PRKN: variants seen among roughly 807,000 people sequenced by gnomAD.
PRKN encodes the protein E3 ubiquitin-protein ligase parkin.
A neutral mutation model predicts 59.5 loss-of-function variants in PRKN; 56 were observed. That is an observed-to-expected ratio of 0.94 (90% CI 0.76 to 1.18). The LOEUF (loss-of-function observed/expected upper bound fraction) is 1.18. Among genes scored for constraint, PRKN ranks in the 50% most tolerant of loss-of-function variants. The pLI is 0.00. For synonymous variants in PRKN, 250 were observed against 222.1 expected (o/e 1.13, Z -1.12); for missense variants, 657 against 596.4 (o/e 1.10, Z -1.06).
At position 162,461,499 on chromosome 6, in the gene PRKN, C is replaced by CAAAAAAAAAAAAA; in HGVS notation, c.8-18039_8-18027dup. 3.5e-3 allele frequency among the ~76,000 whole-genome samples: 129 copies of CAAAAAAAAAAAAA among 36,526 alleles called. 1 individual carries two copies. The highest frequency in any genetic ancestry group is 7.1e-3 in the South Asian group (3 of 420). The allele number at this position is 36,526 out of a possible 152,430, so 24.0% of individuals were successfully genotyped here. ...CCTGGAGGACAGAGTTAAAGTGTCTCAAAAAAAAAAAAAAAAAAAAAAAAA... is the reference window on the plus strand; with the variant it reads ...CCTGGAGGACAGAGTTAAAGTGTCTCAAAAAAAAAAAAAAAAAAAAAAAAAAAAAAAAAAAAAA... On this transcript the variant is annotated intron_variant, in intron 1 of 11. Transcript: ENST00000366898.
rs975926173 is a variant in PRKN at position 161,498,280 on chromosome 6, C to T, written c.1083+50574G>A. 6.6e-6 allele frequency among the ~76,000 whole-genome samples: 1 copy of T among 152,088 alleles called. No individual in the cohort carries two copies. The highest frequency in any genetic ancestry group is 2.4e-5 in the African/African-American group (1 of 41,410). On this transcript the variant is annotated intron_variant, in intron 9 of 11. Coordinates refer to ENST00000366898, the MANE Select transcript of PRKN (RefSeq NM_004562.3). This position sits in a 1 kb window ranked among gnomAD's most constrained non-coding sequence, Gnocchi z 4.2. ...ATTAATTAATAAATGGAATATTTAG[C>T]TTTTTATAATTAGTGTTTGTATTTA...
chr6:161,880,113 C>G (rs1025688817), intron 6 of PRKN, among the ~76,000 whole-genome samples: 2 of 152,108 alleles, frequency 1.3e-5, no homozygotes, highest in Non-Finnish European at 2.9e-5. Flanking sequence ...AAAACACATT[C>G]ATGGCAATGG....
At chr6:162,074,828 C>T in intron 4 of PRKN, among the ~76,000 whole-genome samples, 1 of 152,144 alleles carries the variant, frequency 6.6e-6, no homozygotes. Flanking sequence ...AACTTCCAGT[C>T]ACCAAACTAT....
chr6:161,989,358 T>G (rs1000995816), intron 5 of PRKN, among the ~76,000 whole-genome samples: 1 of 151,694 alleles, frequency 6.6e-6, no homozygotes, highest in Non-Finnish European at 1.5e-5. Context: ...TGAGGACAGG[T>G]CTGCCTTCCT....
At chr6:161,714,508 T>C (rs1786890200) in intron 7 of PRKN, among the ~76,000 whole-genome samples, 1 of 152,220 alleles carries the variant, frequency 6.6e-6, no homozygotes, top group South Asian at 2.1e-4. Context: ...GTCTTTATCT[T>C]GGACTTCCCG....
At chr6:162,289,796 AGCTGCCTCT>A (rs1781345971) in intron 2 of PRKN, among the ~76,000 whole-genome samples, 1 of 152,140 alleles carries the variant, frequency 6.6e-6, no homozygotes, top group African/African-American at 2.4e-5. Flanking sequence ...GCAGATAGCC[AGCTGCCTCT>A]GCTGTGGCAG....
chr6:162,161,660 C>T (rs565276480), intron 4 of PRKN, among the ~76,000 whole-genome samples: 6 of 152,180 alleles, frequency 3.9e-5, no homozygotes, highest in East Asian at 1.9e-4. Context: ...AACATGCTCA[C>T]GGCTGGATGA....
intron 4 of PRKN, among the ~76,000 whole-genome samples, chr6:162,192,889 T>C (rs967341059): frequency 5.3e-5 from 8 of 152,080 alleles, no homozygotes; most frequent in Non-Finnish European, 4.4e-5. Context: ...CAAAGCGACA[T>C]CTGGTATGTT....
At position 161,361,450 on chromosome 6, in the gene PRKN, A is replaced by G. The variant is rs1784971639; in HGVS notation, c.1168-1245T>C. On this transcript the variant is annotated intron_variant, in intron 10 of 11. Transcript: ENST00000366898. The surrounding 1 kb of genome is among the most constrained non-coding windows in gnomAD (Gnocchi z 5.2). Reference sequence around the variant, plus strand: ...CAGTACATTTCAGGCAAGTGAATGAATGAATGACGCAGCCCAGGAAGGCAC... The same window carrying G: ...CAGTACATTTCAGGCAAGTGAATGAGTGAATGACGCAGCCCAGGAAGGCAC... 6.6e-6 allele frequency among the ~76,000 whole-genome samples: 1 copy of G among 152,202 alleles called. No homozygotes were observed. Among genetic ancestry groups the G allele is most frequent in the Non-Finnish European group, 1.5e-5 (1 of 68,038 alleles).
rs527996234 is a variant in PRKN at position 161,504,072 on chromosome 6, C to T, written c.1083+44782G>A. Among the ~76,000 whole-genome samples, 309 of 152,274 alleles carry T rather than the reference C, an allele frequency of 2.0e-3. 2 individuals are homozygous for T. The highest frequency in any genetic ancestry group is 3.6e-3 in the Non-Finnish European group (246 of 68,034). ...GTATTAATATATTTAAAAAGCTATA[C>T]CGATGACATGGGTATAGAGACAGAA... On this transcript the variant is annotated intron_variant, in intron 9 of 11. Coordinates refer to ENST00000366898, the MANE Select transcript of PRKN (RefSeq NM_004562.3).
chr6:161,497,119 G>A lies in PRKN; in HGVS notation c.1083+51735C>T, dbSNP rs1777780390. Among the ~76,000 whole-genome samples, 3 of 152,212 alleles carry A rather than the reference G, an allele frequency of 2.0e-5. No individual in the cohort carries two copies. The highest frequency in any genetic ancestry group is 7.2e-5 in the African/African-American group (3 of 41,466). ...CTACGACTCCACAGCCTGTTCCCAGGGGTCAGCCCACAGGCCAGGGCCAGG... is the reference window on the plus strand; with the variant it reads ...CTACGACTCCACAGCCTGTTCCCAGAGGTCAGCCCACAGGCCAGGGCCAGG... On this transcript the variant is annotated intron_variant, in intron 9 of 11. Transcript: ENST00000366898. This position sits in a 1 kb window ranked among gnomAD's most constrained non-coding sequence, Gnocchi z 4.6.
At position 162,549,588 on chromosome 6, in the gene PRKN, C is replaced by T. The variant is rs189038172; in HGVS notation, c.8-106115G>A. 1.9e-4 allele frequency among the ~76,000 whole-genome samples: 29 copies of T among 151,802 alleles called. No individual in the cohort carries two copies. In the East Asian group the frequency reaches 5.4e-3, roughly 28 times the overall value. ...AGCCCTACCATTGAGTAGATAACAG[C>T]CTAGCAGGGGAGGTAGAAAGACAAA... On this transcript the variant is annotated intron_variant, in intron 1 of 11. Coordinates refer to ENST00000366898, the MANE Select transcript of PRKN (RefSeq NM_004562.3).
chr6:161,795,391 C>A (rs1037705435), intron 6 of PRKN, among the ~76,000 whole-genome samples: 18 of 151,956 alleles, frequency 1.2e-4, no homozygotes, highest in African/African-American at 4.3e-4. Context: ...TGCCACCATG[C>A]CTGGCTAATC....
chr6:162,486,680 A>G (rs535700815), intron 1 of PRKN, among the ~76,000 whole-genome samples: 199 of 152,326 alleles, frequency 1.3e-3, no homozygotes, highest in Non-Finnish European at 2.5e-3. Context: ...ACTATTTTAT[A>G]AGGCTGCATA....
chr6:162,192,383 T>C (rs975830608), intron 4 of PRKN, among the ~76,000 whole-genome samples: 4 of 151,730 alleles, frequency 2.6e-5, no homozygotes, highest in African/African-American at 9.7e-5. Context: ...CAATTAAATA[T>C]TTAGGTAAAG....
intron 5 of PRKN, among the ~76,000 whole-genome samples, chr6:162,018,682 T>A (rs1433578602): frequency 2.0e-5 from 3 of 152,206 alleles, no homozygotes; most frequent in African/African-American, 7.2e-5. Context: ...GCTCAGCTTT[T>A]TATAATAATC....
At chr6:162,090,378 C>T (rs1779434134) in intron 4 of PRKN, among the ~76,000 whole-genome samples, 1 of 152,150 alleles carries the variant, frequency 6.6e-6, no homozygotes, top group Non-Finnish European at 1.5e-5. Flanking sequence ...AGTTATCCCT[C>T]AATCAGCATG....
chr6:162,685,487 C>T (rs915684521), intron 1 of PRKN, among the ~76,000 whole-genome samples: 1 of 151,752 alleles, frequency 6.6e-6, no homozygotes, highest in African/African-American at 2.4e-5. Flanking sequence ...TGTCGTAGTA[C>T]AAAGGGGAAA....
intron 1 of PRKN, among the ~76,000 whole-genome samples, chr6:162,650,576 C>A (rs1444795074): frequency 1.1e-4 from 14 of 128,590 alleles, no homozygotes; most frequent in Non-Finnish European, 1.6e-4. Context: ...CCAGCCTGGG[C>A]GACAGAGCGA....
Sources: gnomAD v4.1 joint callset for allele counts (sites outside exome capture counted in the v4.1 genomes callset) on GRCh38, gnomAD v4.1.1 for gene constraint, Gnocchi (gnomAD v3.1) non-coding constraint, MANE v1.5 for transcripts, NCBI Gene and HGNC (gene_info 2026-07-23, HGNC 2026-07-21) for gene names.